NCOA2: variants seen among roughly 807,000 people sequenced by gnomAD.
The protein encoded by NCOA2 is nuclear receptor coactivator 2.
Under a neutral mutation model 145.1 loss-of-function variants are expected in NCOA2, and 21 were observed. The observed-to-expected ratio is 0.14, with a 90% CI of 0.10 to 0.21. NCOA2 has a LOEUF of 0.21. NCOA2 is among the 10% of genes least tolerant of loss of function. NCOA2 has a pLI of 1.00. For missense variants in NCOA2, 1,472 were observed against 1,837.6 expected (o/e 0.80, Z 3.64); for synonymous variants, 619 against 637.5 (o/e 0.97, Z 0.44).
chr8:70,323,085 G>A (rs16936918), intron 1 of NCOA2, among the ~76,000 whole-genome samples: 10,330 of 152,166 alleles, frequency 0.068, 451 homozygotes, highest in East Asian at 0.16. Flanking sequence ...CAGATTTAAC[G>A]AATACGTAAA....
chr8:70,150,938 C>T (rs1934269177), intron 11 of NCOA2, among the ~76,000 whole-genome samples: 2 of 152,100 alleles, frequency 1.3e-5, no homozygotes, highest in South Asian at 4.1e-4. Flanking sequence ...TTTCCTTACA[C>T]TTGTCATGAA....
chr8:70,266,351 AAATGTTACTTTGGT>A (rs1402471775), intron 2 of NCOA2, among the ~76,000 whole-genome samples: 6 of 152,154 alleles, frequency 3.9e-5, no homozygotes, highest in African/African-American at 1.4e-4. Context: ...AATCTACATA[AAATGTTACTTTGGT>A]AATGTCACTT....
intron 2 of NCOA2, among the ~76,000 whole-genome samples, chr8:70,242,667 T>G (rs1194801445): frequency 1.3e-5 from 2 of 152,104 alleles, no homozygotes; most frequent in African/African-American, 4.8e-5. Flanking sequence ...TTATATTCCC[T>G]TGGCTTCCAC....
At chr8:70,403,847 CCCTCCTCCT>C (rs528610374), upstream of NCOA2, 46 of 376,514 alleles carry the variant, frequency 1.2e-4, no homozygotes, top group Non-Finnish European at 1.5e-4. Context: ...TCCCCCAACT[CCCTCCTCCT>C]CCTCCTCCTC....
the NCOA2 span, among the ~76,000 whole-genome samples, chr8:70,454,493 C>A: frequency 6.6e-6 from 1 of 152,148 alleles, no homozygotes; most frequent in Non-Finnish European, 1.5e-5. Flanking sequence ...TCCTAAAAAT[C>A]TTTTGTTTTA....
At chr8:70,340,492 G>A (rs116289289) in intron 1 of NCOA2, among the ~76,000 whole-genome samples, 1,741 of 152,222 alleles carry the variant, frequency 0.011, 43 homozygotes, top group African/African-American at 0.04. Flanking sequence ...TTACACTACC[G>A]GTGGGAGTGT....
intron 4 of NCOA2, among the ~76,000 whole-genome samples, chr8:70,197,066 T>C (rs1204835019): frequency 6.6e-6 from 1 of 152,236 alleles, no homozygotes; most frequent in Non-Finnish European, 1.5e-5. Context: ...ACAGTATGTA[T>C]GAATGCATTT....
chr8:70,397,870 A>G (rs546929843), intron 1 of NCOA2, among the ~76,000 whole-genome samples: 36 of 152,350 alleles, frequency 2.4e-4, no homozygotes, highest in African/African-American at 8.4e-4. Flanking sequence ...AACCCAAATC[A>G]AAGCACAATG....
At position 70,224,063 on chromosome 8, in the gene NCOA2, C is replaced by A. The variant is rs75089991; in HGVS notation, c.-19-7299G>T. 5.9e-3 allele frequency among the ~76,000 whole-genome samples: 893 copies of A among 152,280 alleles called. 5 individuals are homozygous for A. The highest frequency in any genetic ancestry group is 0.02 in the African/African-American group (831 of 41,550). On this transcript the variant is annotated intron_variant, in intron 2 of 22. Coordinates refer to ENST00000452400, the MANE Select transcript of NCOA2 (RefSeq NM_006540.4). The stretch of plus-strand genomic sequence containing the variant: ...ATTTATTCAATATATAACTAATGCT[C>A]CAGGCACTGCTGCAGACACTGGAGA...
the NCOA2 span, among the ~76,000 whole-genome samples, chr8:70,448,266 T>C: frequency 6.6e-6 from 1 of 152,210 alleles, no homozygotes; most frequent in African/African-American, 2.4e-5. Flanking sequence ...TAGCTATGGA[T>C]ATCTTGCTTC....
In NCOA2 at chr8:70,159,651, T is replaced by G. The variant is rs1053913530; in HGVS notation, c.978A>C (p.Val326=). 3 of 1,609,250 alleles carry G rather than the reference T, an allele frequency of 1.9e-6. No individual in the cohort carries two copies. Among genetic ancestry groups the G allele is most frequent in the South Asian group, 1.1e-5 (1 of 90,858 alleles). Residue 326 remains valine (V), a splice_region_variant and synonymous_variant, in exon 10 of 23, where the codon GTA becomes GTC. Coordinates refer to ENST00000452400, the MANE Select transcript of NCOA2 (RefSeq NM_006540.4). ...VSYAKRHHHE[V]LRQGLAFSQI... ...GACTGAATGCCAATCCTTGTCTCAGTACTGCAGGCAAGCAAGGAAACAGAA... is the reference window on the plus strand; with the variant it reads ...GACTGAATGCCAATCCTTGTCTCAGGACTGCAGGCAAGCAAGGAAACAGAA...
At chr8:70,333,325 C>A (rs1239405683) in intron 1 of NCOA2, among the ~76,000 whole-genome samples, 1 of 152,176 alleles carries the variant, frequency 6.6e-6, no homozygotes, top group Non-Finnish European at 1.5e-5. Flanking sequence ...GGTGCCAATG[C>A]TGTCCCATCA....
At chr8:70,180,265 C>A (rs1815323921) in intron 4 of NCOA2, among the ~76,000 whole-genome samples, 1 of 152,190 alleles carries the variant, frequency 6.6e-6, no homozygotes, top group African/African-American at 2.4e-5. Context: ...TTTACAAATG[C>A]AAAACCTGAT....
chr8:70,341,496 T>TGTTA lies in NCOA2; in HGVS notation c.-76-44700_-76-44697dup, dbSNP rs1401746916. 2.6e-5 allele frequency among the ~76,000 whole-genome samples: 4 copies of TGTTA among 152,328 alleles called. No individual in the cohort carries two copies. The South Asian group carries it at 6.2e-4, about 24-fold the overall frequency. Reference sequence around the variant, plus strand: ...TGCTGCCTCAACCAATTTATAAATGTGTTAGTTCCTCAATATACACATACA... The same window carrying TGTTA: ...TGCTGCCTCAACCAATTTATAAATGTGTTAGTTAGTTCCTCAATATACACATACA... On this transcript the variant is annotated intron_variant, in intron 1 of 22. Transcript: ENST00000452400.
chr8:70,229,331 A>G (rs1036748555), intron 2 of NCOA2, among the ~76,000 whole-genome samples: 2 of 152,220 alleles, frequency 1.3e-5, no homozygotes, highest in Admixed American at 1.3e-4. Context: ...GAATTAATTA[A>G]CATACAAGAC....
chr8:70,393,472 C>T (rs2131652154), intron 1 of NCOA2, among the ~76,000 whole-genome samples: 1 of 152,248 alleles, frequency 6.6e-6, no homozygotes, highest in Non-Finnish European at 1.5e-5. Context: ...CCAAAGGCTC[C>T]CTCTTTTCCT....
chr8:70,348,052 G>C (rs1808840694), intron 1 of NCOA2, among the ~76,000 whole-genome samples: 1 of 152,184 alleles, frequency 6.6e-6, no homozygotes, highest in Non-Finnish European at 1.5e-5. Context: ...GTAAAAAATA[G>C]TTCCTACCCC....
At chr8:70,414,265 C>T in the NCOA2 span, among the ~76,000 whole-genome samples, 2 of 152,164 alleles carry the variant, frequency 1.3e-5, no homozygotes, top group South Asian at 2.1e-4. Flanking sequence ...TGTCTGAACT[C>T]CCTTCTCTTT....
chr8:70,403,247 G>C lies in NCOA2; in HGVS notation c.-77+453C>G, dbSNP rs1586699793. 2.6e-5 allele frequency among the ~76,000 whole-genome samples: 4 copies of C among 151,330 alleles called. No individual in the cohort carries two copies. The South Asian group carries it at 8.3e-4, about 31-fold the overall frequency. ...CCGAGGGGTTAGAGCCTCGGTCTCC[G>C]CCGACCCCGCACCGGGCTGGGCAAT... On this transcript the variant is annotated intron_variant, in intron 1 of 22. Transcript: ENST00000452400.
Sources: gnomAD v4.1 joint callset for allele counts (sites outside exome capture counted in the v4.1 genomes callset) on GRCh38, gnomAD v4.1.1 for gene constraint, MANE v1.5 for transcripts, NCBI Gene and HGNC (gene_info 2026-07-23, HGNC 2026-07-21) for gene names.